UBN2: variants seen among roughly 807,000 people sequenced by gnomAD.
UBN2 encodes the protein ubinuclein-2.
A neutral mutation model predicts 120.2 loss-of-function variants in UBN2; 35 were observed. The ratio of observed to expected loss-of-function variants is 0.29; its 90% CI spans 0.22 to 0.39. The LOEUF is 0.39. UBN2 is among the 10% of genes least tolerant of loss of function. UBN2 has a pLI of 1.00. For synonymous variants in UBN2, 661 were observed against 648.7 expected, an observed-to-expected ratio of 1.02 and a Z score of -0.29; for missense variants, 1,693 against 1,663.2, an observed-to-expected ratio of 1.02 and a Z score of -0.31.
chr7:139,280,064 G>T (rs1797559221), intron 13 of UBN2, among the ~76,000 whole-genome samples: 1 of 152,142 alleles, frequency 6.6e-6, no homozygotes, highest in South Asian at 2.1e-4. Context: ...TACTGGATTA[G>T]TAGTGACCCG....
chr7:139,243,405 C>G (rs1200617722), intron 2 of UBN2, among the ~76,000 whole-genome samples: 2 of 151,996 alleles, frequency 1.3e-5, no homozygotes, highest in Non-Finnish European at 2.9e-5. Flanking sequence ...TCAAGTAAGA[C>G]TTTGATTCTG....
At chr7:139,323,481 C>T in the UBN2 span, among the ~76,000 whole-genome samples, 2 of 151,926 alleles carry the variant, frequency 1.3e-5, no homozygotes, top group Non-Finnish European at 2.9e-5. Flanking sequence ...TTGTATGCTG[C>T]TCTCCGTATT....
At position 139,283,941 on chromosome 7, in the gene UBN2, C is replaced by T. The variant is rs1797693474; in HGVS notation, c.3036C>T (p.Asn1012=). The T allele has an allele frequency of 4.3e-6, 7 of 1,614,124 alleles. No homozygotes were observed. The highest frequency in any genetic ancestry group is 5.9e-6 in the Non-Finnish European group (7 of 1,180,024). ...TACCTAGCACCACTACCTCCAGTAA[C>T]TATTTAGCCAAGGCTATGGTGTCAC... ...RTVPSTTTSS[N]YLAKAMVSQI... is the part of the protein sequence containing the mutation. The change falls in exon 15 of 18, where the codon AAC becomes AAT. Residue 1012 remains asparagine, a synonymous_variant. Transcript: ENST00000473989.
At chr7:139,233,388 G>A (rs1192674298) in intron 1 of UBN2, among the ~76,000 whole-genome samples, 1 of 152,054 alleles carries the variant, frequency 6.6e-6, no homozygotes, top group Non-Finnish European at 1.5e-5. Flanking sequence ...ATCTAAGTTG[G>A]TTTGCAGTTT....
the UBN2 span, among the ~76,000 whole-genome samples, chr7:139,324,917 C>T: frequency 1.3e-5 from 2 of 151,970 alleles, no homozygotes; most frequent in African/African-American, 4.8e-5. Flanking sequence ...TTGCAGTGAG[C>T]CGAGATTGCG....
chr7:139,273,821 A>T, intron 10 of UBN2, 110 bp from the exon 11 acceptor site: 3 of 900,244 alleles, frequency 3.3e-6, no homozygotes, highest in Non-Finnish European at 4.8e-6. Flanking sequence ...TGAATGATAT[A>T]TGTTAGAAAT....
At position 139,283,925 on chromosome 7, in the gene UBN2, C is replaced by A. The variant is rs770673709; in HGVS notation, c.3020C>A (p.Thr1007Asn). ...HPLVSRTVPSTTTSSNYLAKA... is the reference protein window; with the variant it reads ...HPLVSRTVPSNTTSSNYLAKA... Reference sequence around the variant, plus strand: ...CTGGTTTCTAGGACAGTACCTAGCACCACTACCTCCAGTAACTATTTAGCC... The same window carrying A: ...CTGGTTTCTAGGACAGTACCTAGCAACACTACCTCCAGTAACTATTTAGCC... The change falls in exon 15 of 18, where the codon ACC (threonine) becomes AAC (asparagine). Residue 1007 changes from threonine (T) to asparagine (N), a missense_variant. By Grantham distance (65) the Thr-to-Asn change is moderately conservative (BLOSUM62 0). This residue lies in a region of UBN2 where 837 missense variants were observed against 817.6 expected (regional missense o/e 1.02). Coordinates refer to ENST00000473989, the MANE Select transcript of UBN2 (RefSeq NM_173569.4). 3.1e-6 allele frequency: 5 copies of A among 1,614,136 alleles called. 1 individual carries two copies. The South Asian group carries it at 5.5e-5, about 18-fold the overall frequency.
At chr7:139,240,908 T>C (rs1796302977) in intron 2 of UBN2, among the ~76,000 whole-genome samples, 1 of 152,238 alleles carries the variant, frequency 6.6e-6, no homozygotes, top group Admixed American at 6.5e-5. Flanking sequence ...TTTAAATAGC[T>C]AAGTCCAAGT....
intron 15 of UBN2, among the ~76,000 whole-genome samples, chr7:139,289,091 C>T (rs1169245929): frequency 6.6e-6 from 1 of 151,598 alleles, no homozygotes; most frequent in Non-Finnish European, 1.5e-5. Flanking sequence ...ATGTAGAGGT[C>T]ACGGAAAGTA....
At position 139,240,620 on chromosome 7, in the gene UBN2, G is replaced by A. The variant is rs145266530; in HGVS notation, c.561+3523G>A. Among the ~76,000 whole-genome samples, 268 of 152,066 alleles carry A rather than the reference G, an allele frequency of 1.8e-3. 6 individuals carry two copies. The highest frequency in any genetic ancestry group is 3.6e-3 in the Admixed American group (55 of 15,274). On this transcript the variant is annotated intron_variant, in intron 2 of 17. Transcript: ENST00000473989. Reference sequence around the variant, plus strand: ...TGATCTTTATTGGTGTTTGGGGCAGGTGTTGCAGCAGTTGAAGATCAGTGA... The same window carrying A: ...TGATCTTTATTGGTGTTTGGGGCAGATGTTGCAGCAGTTGAAGATCAGTGA...
the UBN2 span, among the ~76,000 whole-genome samples, chr7:139,315,749 C>G: frequency 2.0e-5 from 3 of 152,228 alleles, no homozygotes; most frequent in Non-Finnish European, 4.4e-5. Flanking sequence ...TACATACCCA[C>G]CAGCAATGCA....
intron 2 of UBN2, among the ~76,000 whole-genome samples, chr7:139,241,566 A>ATAG (rs1796320621): frequency 6.6e-6 from 1 of 152,240 alleles, no homozygotes; most frequent in Non-Finnish European, 1.5e-5. Flanking sequence ...GGTAGATTTG[A>ATAG]TAGTAGAAAA....
chr7:139,232,732 A>G (rs1363483686), intron 1 of UBN2, among the ~76,000 whole-genome samples: 1 of 152,176 alleles, frequency 6.6e-6, no homozygotes, highest in African/African-American at 2.4e-5. Flanking sequence ...TTATAGAAGG[A>G]TATTGTATTC....
intron 15 of UBN2, among the ~76,000 whole-genome samples, chr7:139,286,838 A>G (rs571466380): frequency 2.8e-4 from 42 of 152,302 alleles, no homozygotes; most frequent in African/African-American, 9.4e-4. Flanking sequence ...CTGCTGTTCA[A>G]TATAGTCTAA....
Position 139,283,838 on chromosome 7 carries a change from T to A in UBN2, c.2933T>A (p.Leu978His), listed in dbSNP as rs1797690011. 6.2e-7 allele frequency: 1 copy of A among 1,614,114 alleles called. No individual in the cohort carries two copies. Among genetic ancestry groups the A allele is most frequent in the Admixed American group, 1.7e-5 (1 of 60,014 alleles). The change falls in exon 15 of 18, where the codon CTT becomes CAT. Residue 978 changes from leucine to histidine, a missense_variant. By Grantham distance (99) the Leu-to-His change is moderately conservative (BLOSUM62 -3). Around this residue, in one of 5 missense-constraint regions of UBN2, gnomAD observed 837 missense variants for 817.6 expected, o/e 1.02. Coordinates refer to ENST00000473989, the MANE Select transcript of UBN2 (RefSeq NM_173569.4). ...SSLIKTSDKP[L>H]MYRLPLSTPS... ...CTTATTAAGACTTCAGATAAGCCAC[T>A]TATGTACCGCCTTCCCTTATCTACC...
the UBN2 span, among the ~76,000 whole-genome samples, chr7:139,315,132 C>T: frequency 2.6e-5 from 4 of 152,028 alleles, no homozygotes; most frequent in Non-Finnish European, 2.9e-5. Flanking sequence ...CCCACCACCA[C>T]GCCCGGCTAA....
the UBN2 span, among the ~76,000 whole-genome samples, chr7:139,318,424 CT>C: frequency 6.6e-6 from 1 of 152,176 alleles, no homozygotes; most frequent in South Asian, 2.1e-4. Context: ...GCTTATTTCT[CT>C]GTGTGTTTAG....
At chr7:139,323,570 T>G in the UBN2 span, among the ~76,000 whole-genome samples, 1 of 135,080 alleles carries the variant, frequency 7.4e-6, no homozygotes, top group African/African-American at 3.3e-5. Context: ...TTATTATTAT[T>G]ATTATTATTA....
chr7:139,245,363 G>C (rs1796443071), intron 2 of UBN2, among the ~76,000 whole-genome samples: 1 of 152,054 alleles, frequency 6.6e-6, no homozygotes, highest in Non-Finnish European at 1.5e-5. Flanking sequence ...TTGAGGGGAA[G>C]CATTTTGGTC....
Sources: allele counts gnomAD v4.1 joint callset (sites outside exome capture counted in the v4.1 genomes callset), GRCh38; gene constraint gnomAD v4.1.1; regional missense constraint gnomAD v4.1.1; transcripts MANE v1.5; gene names NCBI Gene and HGNC (gene_info 2026-07-23, HGNC 2026-07-21).